CTNNA3: variants seen among roughly 807,000 people sequenced by gnomAD.
The protein encoded by CTNNA3 is catenin alpha-3.
Under a neutral mutation model 95.7 loss-of-function variants are expected in CTNNA3, and 76 were observed. The observed-to-expected ratio is 0.79, with a 90% CI of 0.66 to 0.96. The LOEUF (loss-of-function observed/expected upper bound fraction) is 0.96. Ranked by LOEUF, CTNNA3 falls within the 40% of genes least tolerant of loss-of-function variation. CTNNA3 has a pLI of 0.00. For missense variants in CTNNA3, 1,191 were observed against 1,089.8 expected (o/e 1.09, Z -1.31); for synonymous variants, 431 against 374.4 (o/e 1.15, Z -1.74).
intron 6 of CTNNA3, among the ~76,000 whole-genome samples, chr10:67,185,797 G>A (rs1250481337): frequency 2.6e-5 from 4 of 151,980 alleles, no homozygotes; most frequent in South Asian, 2.1e-4. Context: ...TGAGGTGGGC[G>A]GATCACAAGG....
upstream of CTNNA3, among the ~76,000 whole-genome samples, chr10:67,698,185 T>C (rs1379888160): frequency 1.3e-5 from 2 of 152,044 alleles, no homozygotes; most frequent in Non-Finnish European, 2.9e-5. Context: ...AACTTTAAAA[T>C]TTTGGCTCAC....
At chr10:67,454,911 A>G (rs1274653752) in intron 5 of CTNNA3, among the ~76,000 whole-genome samples, 1 of 152,180 alleles carries the variant, frequency 6.6e-6, no homozygotes, top group East Asian at 1.9e-4. Context: ...CAAAATAAAG[A>G]TATGACCCTA....
At chr10:67,109,566 C>T (rs1858811835) in intron 7 of CTNNA3, among the ~76,000 whole-genome samples, 1 of 152,134 alleles carries the variant, frequency 6.6e-6, no homozygotes, top group Non-Finnish European at 1.5e-5. Flanking sequence ...AAATGAAGGC[C>T]AGGCGTGGTA....
chr10:66,357,200 T>C (rs2092617739), intron 12 of CTNNA3, among the ~76,000 whole-genome samples: 2 of 152,228 alleles, frequency 1.3e-5, no homozygotes, highest in African/African-American at 4.8e-5. Flanking sequence ...CAATGTTTAG[T>C]AGAATTAACC....
chr10:66,279,913 T>C (rs1375288970), intron 13 of CTNNA3, among the ~76,000 whole-genome samples: 1 of 151,982 alleles, frequency 6.6e-6, no homozygotes, highest in Non-Finnish European at 1.5e-5. Flanking sequence ...TGCAACAAAT[T>C]GTGCTCTCAC....
intron 15 of CTNNA3, among the ~76,000 whole-genome samples, chr10:66,058,272 C>T (rs2080124551): frequency 6.6e-6 from 1 of 152,092 alleles, no homozygotes; most frequent in Admixed American, 6.6e-5. Flanking sequence ...GGTGAGTTTC[C>T]TCCCTCCCTC....
At chr10:66,839,535 A>C (rs1800838288) in intron 7 of CTNNA3, among the ~76,000 whole-genome samples, 1 of 152,200 alleles carries the variant, frequency 6.6e-6, no homozygotes, top group Non-Finnish European at 1.5e-5. Flanking sequence ...TAATAATAAA[A>C]ATTTTTATCT....
chr10:67,278,617 C>T (rs1839279612), intron 5 of CTNNA3, among the ~76,000 whole-genome samples: 1 of 152,038 alleles, frequency 6.6e-6, no homozygotes, highest in Non-Finnish European at 1.5e-5. Flanking sequence ...AGAGAGAGAG[C>T]AGATTGTACA....
At chr10:66,147,608 G>GTTTTTT (rs34193216) in intron 13 of CTNNA3, among the ~76,000 whole-genome samples, 51 of 105,750 alleles carry the variant, frequency 4.8e-4, no homozygotes, top group East Asian at 8.5e-4. Flanking sequence ...GTTGCTTTCA[G>GTTTTTT]TTTTTTTTTT....
chr10:67,193,790 G>A (rs10762148), intron 6 of CTNNA3, among the ~76,000 whole-genome samples: 55,559 of 151,816 alleles, frequency 0.37, 14,562 homozygotes, highest in African/African-American at 0.75. Flanking sequence ...GAATAGTGCC[G>A]CAATGAACAT....
chr10:67,607,024 T>C lies in CTNNA3; in HGVS notation c.125A>G (p.Gln42Arg). Residue 42 changes from glutamine (Q) to arginine (R), a missense_variant, in exon 3 of 18, where the codon CAG (glutamine) becomes CGG (arginine). Coordinates refer to ENST00000433211, the MANE Select transcript of CTNNA3 (RefSeq NM_013266.4). ...IQVTTLVNCP[Q>R]NPSSRKKGRS... Reference sequence around the variant, plus strand: ...TCCTTTTTTCCTGCTGGAAGGGTTCTGGGGACAGTTTACAAGTGTGGTAAC... The same window carrying C: ...TCCTTTTTTCCTGCTGGAAGGGTTCCGGGGACAGTTTACAAGTGTGGTAAC... 6.2e-7 allele frequency: 1 copy of C among 1,613,660 alleles called. No homozygotes were observed. Among genetic ancestry groups the C allele is most frequent in the South Asian group, 1.1e-5 (1 of 90,946 alleles).
chr10:67,150,987 C>T (rs898051800), intron 7 of CTNNA3, among the ~76,000 whole-genome samples: 3 of 152,160 alleles, frequency 2.0e-5, no homozygotes, highest in Admixed American at 2.0e-4. Flanking sequence ...CACACATCTT[C>T]AAAAAACTCT....
chr10:66,196,007 T>G (rs34557923), intron 13 of CTNNA3, among the ~76,000 whole-genome samples: 1,926 of 152,288 alleles, frequency 0.013, 16 homozygotes, highest in Non-Finnish European at 0.02. Flanking sequence ...GCAAGAATAT[T>G]CATATCAGAA....
intron 13 of CTNNA3, among the ~76,000 whole-genome samples, chr10:66,231,669 G>C (rs1202514312): frequency 6.6e-6 from 1 of 152,024 alleles, no homozygotes; most frequent in Non-Finnish European, 1.5e-5. Flanking sequence ...TCTGGGAATG[G>C]GTATATATTT....
At chr10:67,676,755 A>G (rs538492052) in intron 1 of CTNNA3, among the ~76,000 whole-genome samples, 3 of 152,256 alleles carry the variant, frequency 2.0e-5, no homozygotes, top group African/African-American at 4.8e-5. Context: ...GAGAGGCCAC[A>G]ATGATTTAAG....
intron 10 of CTNNA3, among the ~76,000 whole-genome samples, chr10:66,538,587 C>G (rs375352277): frequency 6.6e-6 from 1 of 152,102 alleles, no homozygotes. Flanking sequence ...CAGATAGATA[C>G]GTGACTCTCC....
chr10:66,922,791 T>C (rs978174815), intron 7 of CTNNA3, among the ~76,000 whole-genome samples: 2 of 152,174 alleles, frequency 1.3e-5, no homozygotes, highest in African/African-American at 4.8e-5. Flanking sequence ...TCCTGTCATA[T>C]AGTTTTGTTT....
chr10:67,232,183 A>G (rs1407139996), intron 5 of CTNNA3, among the ~76,000 whole-genome samples: 1 of 152,158 alleles, frequency 6.6e-6, no homozygotes, highest in Non-Finnish European at 1.5e-5. Flanking sequence ...ACTCCTCGAG[A>G]AGAGCAACTC....
intron 7 of CTNNA3, among the ~76,000 whole-genome samples, chr10:67,030,604 T>C (rs1276629388): frequency 6.6e-6 from 1 of 152,168 alleles, no homozygotes; most frequent in African/African-American, 2.4e-5. Flanking sequence ...TGATTTTGCA[T>C]ATTTTCATGA....
Sources: allele counts gnomAD v4.1 joint callset (sites outside exome capture counted in the v4.1 genomes callset), GRCh38; gene constraint gnomAD v4.1.1; transcripts MANE v1.5; gene names NCBI Gene and HGNC (gene_info 2026-07-23, HGNC 2026-07-21).